Variants in TREM2 observed in about 807,000 individuals in gnomAD.
TREM2 encodes triggering receptor expressed on myeloid cells 2, also known as triggering receptor expressed on monocytes 2.
A neutral mutation model predicts 22.9 loss-of-function variants in TREM2; 20 were observed. That is an observed-to-expected ratio of 0.87 (90% CI 0.61 to 1.27). The LOEUF (loss-of-function observed/expected upper bound fraction) is 1.27, where lower values mean the gene tolerates loss of function less well. Among genes scored for constraint, TREM2 ranks in the 50% most tolerant of loss-of-function variants. The probability of loss-of-function intolerance (pLI) is 0.00; values close to 1 mark genes in which losing one functional copy is unlikely to be tolerated. For synonymous variants in TREM2, 111 were observed against 120.9 expected, an observed-to-expected ratio of 0.92 and a Z score of 0.54; for missense variants, 267 against 289.0, an observed-to-expected ratio of 0.92 and a Z score of 0.55.
intron 3 of TREM2, 168 bp from the exon 4 acceptor site, chr6:41,159,234 C>T: frequency 1.3e-6 from 1 of 781,036 alleles, no homozygotes. Context: ...AGTCAAGAGA[C>T]TTGAGTTCTA....
chr6:41,162,861 G>A lies in TREM2; in HGVS notation c.40+182C>T, dbSNP rs186844365. Among the ~76,000 whole-genome samples the A allele has an allele frequency of 2.5e-3, 380 of 152,236 alleles. 2 individuals are homozygous for A. Among genetic ancestry groups the A allele is most frequent in the Non-Finnish European group, 4.2e-3 (284 of 68,022 alleles). On this transcript the variant is annotated intron_variant, in intron 1 of 4. Transcript: ENST00000373113. ...TCTGAGGGTAGGTTTTGATACTGGG[G>A]AGGGAAGGAGGGTGTGAAGAATATG...
intron 1 of TREM2, 46 bp downstream of exon 1, chr6:41,162,997 C>T (rs1765605626): frequency 6.2e-7 from 1 of 1,613,802 alleles, no homozygotes. Context: ...ACCACATGCT[C>T]AAAGTGAGGG....
intron 1 of TREM2, among the ~76,000 whole-genome samples, chr6:41,161,816 C>T (rs1765575575): frequency 6.6e-6 from 1 of 152,202 alleles, no homozygotes; most frequent in Non-Finnish European, 1.5e-5. Context: ...CTCACTGTTG[C>T]TCTTGCTGGG....
At chr6:41,160,699 A>G (rs79640267) in intron 2 of TREM2, among the ~76,000 whole-genome samples, 3,660 of 152,208 alleles carry the variant, frequency 0.024, 149 homozygotes, top group African/African-American at 0.082. Context: ...CAGGAACCCT[A>G]TGGGGTCAGC....
intron 2 of TREM2, 132 bp downstream of exon 2, chr6:41,161,131 G>A (rs921509997): frequency 2.7e-5 from 23 of 845,354 alleles, no homozygotes; most frequent in Admixed American, 4.2e-5. Context: ...GTAGCCCTGA[G>A]TAGGGAGATG....
intron 1 of TREM2, among the ~76,000 whole-genome samples, chr6:41,161,909 C>A (rs1010247773): frequency 6.6e-6 from 1 of 152,080 alleles, no homozygotes; most frequent in African/African-American, 2.4e-5. Context: ...CTGTTCTGCA[C>A]ATCTCTTTGC....
At chr6:41,159,250 G>T (rs889683671) in intron 3 of TREM2, 184 bp from the exon 4 acceptor site, 4 of 699,110 alleles carry the variant, frequency 5.7e-6, no homozygotes, top group African/African-American at 5.4e-5. Context: ...TTCTAGGCAT[G>T]CTCTGCCACT....
Position 41,163,095 on chromosome 6 carries a change from C to T in TREM2, c.-13G>A, listed in dbSNP as rs1391374486. 3 of 1,614,018 alleles carry T rather than the reference C, an allele frequency of 1.9e-6. No individual in the cohort carries two copies. The highest frequency in any genetic ancestry group is 2.2e-5 in the South Asian group (2 of 91,048). ...GGAGAGGCTCCATGCCACCCTTCCCCAGCCAAGGGCAGAAGCAGAGTGCCT... is the reference window on the plus strand; with the variant it reads ...GGAGAGGCTCCATGCCACCCTTCCCTAGCCAAGGGCAGAAGCAGAGTGCCT... On this transcript the variant is annotated 5_prime_UTR_variant, in exon 1 of 5. Coordinates refer to ENST00000373113, the MANE Select transcript of TREM2 (RefSeq NM_018965.4).
intron 1 of TREM2, 129 bp downstream of exon 1, chr6:41,162,914 A>T: frequency 8.2e-7 from 1 of 1,213,258 alleles, no homozygotes; most frequent in South Asian, 1.2e-5. Context: ...AGGAGTGCAG[A>T]ACAGGGCACT....
chr6:41,161,138 G>T, intron 2 of TREM2, 125 bp downstream of exon 2: 1 of 893,304 alleles, frequency 1.1e-6, no homozygotes, highest in Non-Finnish European at 1.8e-6. Flanking sequence ...TGAGTAGGGA[G>T]ATGAGACCAT....
chr6:41,161,163 C>A, intron 2 of TREM2, 100 bp downstream of exon 2: 1 of 1,099,862 alleles, frequency 9.1e-7, no homozygotes, highest in Non-Finnish European at 1.3e-6. Flanking sequence ...TGGGTTTTCC[C>A]AGGATCCCTG....
chr6:41,161,308 T>A lies in TREM2; in HGVS notation c.346A>T (p.Ser116Cys), dbSNP rs2113879950. 11 of 1,614,192 alleles carry A rather than the reference T, an allele frequency of 6.8e-6. No homozygotes were observed. The highest frequency in any genetic ancestry group is 8.5e-6 in the Non-Finnish European group (10 of 1,180,026). The change falls in exon 2 of 5, where the codon AGT (serine) becomes TGT (cysteine). Residue 116 changes from serine (S) to cysteine (C), a missense_variant. Coordinates refer to ENST00000373113, the MANE Select transcript of TREM2 (RefSeq NM_018965.4). ...GLYQCQSLHG[S>C]EADTLRKVLV... ...ACCTTCCTGAGGGTGTCAGCCTCAC[T>A]GCCATGGAGGCTCTGGCACTGGTAG... is the stretch of plus-strand genomic sequence containing the variant.
chr6:41,161,442 A>C lies in TREM2; in HGVS notation c.212T>G (p.Leu71Arg). The C allele has an allele frequency of 6.2e-7, 1 of 1,614,268 alleles. No individual in the cohort carries two copies. The highest frequency in any genetic ancestry group is 8.5e-7 in the Non-Finnish European group (1 of 1,180,052). Reference protein sequence around the residue: ...QRVVSTHNLWLLSFLRRWNGS... With the variant: ...QRVVSTHNLWRLSFLRRWNGS... ...ATTCCACCTCCTCAGGAAGGACAGC[A>C]GCCACAAGTTGTGCGTGCTGACCAC... is the stretch of plus-strand genomic sequence containing the variant. Residue 71 changes from leucine (L) to arginine (R), a missense_variant, in exon 2 of 5, where the codon CTG (leucine) becomes CGG (arginine). Leu to Arg is a moderately radical substitution (Grantham distance 102, BLOSUM62 -2). Transcript: ENST00000373113.
chr6:41,159,700 A>C, intron 3 of TREM2, 92 bp downstream of exon 3: 1 of 1,152,120 alleles, frequency 8.7e-7, no homozygotes, highest in East Asian at 2.4e-5. Flanking sequence ...TTGCCTTGTA[A>C]TTTGTAGTTC....
At chr6:41,159,743 G>T (rs530672802) in intron 3 of TREM2, 49 bp downstream of exon 3, 2 of 1,562,222 alleles carry the variant, frequency 1.3e-6, no homozygotes, top group South Asian at 2.2e-5. Context: ...GTGGGGCTCT[G>T]CAGGGTGGAA....
Position 41,158,917 on chromosome 6 carries a change from A to G in TREM2, c.632T>C (p.Leu211Pro), listed in dbSNP as rs2234256. Residue 211 changes from leucine (L) to proline (P), a missense_variant, in exon 4 of 5, where the codon CTG (leucine) becomes CCG (proline). Transcript: ENST00000373113. ...QKPGTHPPSE[L>P]DCGHDPGYQL... Reference sequence around the variant, plus strand: ...ATACCCTGGGTCATGGCCACAGTCCAGTTCACTGGGTGGATGTGTCCCTGG... The same window carrying G: ...ATACCCTGGGTCATGGCCACAGTCCGGTTCACTGGGTGGATGTGTCCCTGG... The G allele has an allele frequency of 0.011, 17,622 of 1,614,148 alleles. 854 individuals are homozygous for G. In the African/African-American group the frequency reaches 0.13, roughly 12 times the overall value.
Position 41,161,289 on chromosome 6 carries a change from C to T in TREM2, c.365G>A (p.Arg122Lys), listed in dbSNP as rs2113879918. ...SLHGSEADTLRKVLVEVLADP... is the reference protein window; with the variant it reads ...SLHGSEADTLKKVLVEVLADP... The stretch of plus-strand genomic sequence containing the variant: ...TGCCAGCACCTCCACCAGGACCTTC[C>T]TGAGGGTGTCAGCCTCACTGCCATG... Residue 122 changes from arginine (R) to lysine (K), a missense_variant, in exon 2 of 5, where the codon AGG (arginine) becomes AAG (lysine). By Grantham distance (26) the Arg-to-Lys change is conservative. Transcript: ENST00000373113. 6.2e-7 allele frequency: 1 copy of T among 1,614,130 alleles called. No homozygotes were observed. The highest frequency in any genetic ancestry group is 8.5e-7 in the Non-Finnish European group (1 of 1,179,974).
At position 41,159,034 on chromosome 6, in the gene TREM2, G is replaced by A; in HGVS notation, c.515C>T (p.Pro172Leu). 6.2e-7 allele frequency: 1 copy of A among 1,613,994 alleles called. No individual in the cohort carries two copies. Residue 172 changes from proline (P) to leucine (L), a missense_variant, in exon 4 of 5, where the codon CCC becomes CTC. By Grantham distance (98) the Pro-to-Leu change is moderately conservative. Coordinates refer to ENST00000373113, the MANE Select transcript of TREM2 (RefSeq NM_018965.4). ...GGCCAGGAGGAGAAGGATGGAAGTG[G>A]GTGGGAAGGGGATTTCTCCTTCCAA... ...SLLEGEIPFP[P>L]TSILLLLACI...
At chr6:41,161,151 G>A (rs528821700) in intron 2 of TREM2, 112 bp downstream of exon 2, 53 of 980,196 alleles carry the variant, frequency 5.4e-5, no homozygotes, top group African/African-American at 1.6e-4. Context: ...GAGACCATAC[G>A]ATGGGTTTTC....
Sources: allele counts gnomAD v4.1 joint callset (sites outside exome capture counted in the v4.1 genomes callset), GRCh38; gene constraint gnomAD v4.1.1; transcripts MANE v1.5; gene names NCBI Gene and HGNC (gene_info 2026-07-23, HGNC 2026-07-21).